DNAJC6: variants seen among roughly 807,000 people sequenced by gnomAD.
DNAJC6 encodes the protein auxilin.
A neutral mutation model predicts 110.0 loss-of-function variants in DNAJC6; 34 were observed. That is an observed-to-expected ratio of 0.31 (90% CI 0.24 to 0.41). DNAJC6 has a LOEUF of 0.41. DNAJC6 is among the 10% of genes least tolerant of loss of function. The pLI is 1.00. For missense variants in DNAJC6, 1,031 were observed against 1,207.8 expected (o/e 0.85, Z 2.17); for synonymous variants, 406 against 437.2 (o/e 0.93, Z 0.89).
At chr1:65,382,733 AG>A (rs1645833937) in intron 5 of DNAJC6, among the ~76,000 whole-genome samples, 1 of 152,260 alleles carries the variant, frequency 6.6e-6, no homozygotes, top group African/African-American at 2.4e-5. Context: ...ATAAAAGCAT[AG>A]TGTCCAGAAT....
chr1:65,304,506 G>A (rs1198464203), intron 1 of DNAJC6, among the ~76,000 whole-genome samples: 1 of 152,188 alleles, frequency 6.6e-6, no homozygotes, highest in African/African-American at 2.4e-5. Context: ...TTCCCCTATG[G>A]ACATCATTTG....
Position 65,413,503 on chromosome 1 carries a change from T to A in DNAJC6, c.*478T>A, listed in dbSNP as rs1646146417. The A allele has an allele frequency of 1.3e-5, 2 of 152,392 alleles. No individual in the cohort carries two copies. The highest frequency in any genetic ancestry group is 6.5e-5 in the Admixed American group (1 of 15,280). The allele number at this position is 152,392 out of a possible 1,614,324, so 9.4% of individuals were successfully genotyped here. A position where few individuals can be genotyped will look rare whatever the true frequency, so the allele number is the denominator to read the frequency against. On this transcript the variant is annotated 3_prime_UTR_variant, in exon 19 of 19. Coordinates refer to ENST00000371069, the MANE Select transcript of DNAJC6 (RefSeq NM_001256864.2). ...ACTCCAAGAACAAAACCACCAGGTA[T>A]TTTTTTTTAAGTAAAAATTTACTAA...
intron 1 of DNAJC6, among the ~76,000 whole-genome samples, chr1:65,335,375 A>C (rs534262854): frequency 5.6e-4 from 85 of 151,716 alleles, no homozygotes; most frequent in African/African-American, 2.0e-3. Flanking sequence ...TGACCTCCCA[A>C]AGTGCTGCGA....
At chr1:65,339,925 C>T (rs1286079369) in intron 1 of DNAJC6, among the ~76,000 whole-genome samples, 1 of 152,178 alleles carries the variant, frequency 6.6e-6, no homozygotes, top group African/African-American at 2.4e-5. Flanking sequence ...GACTCCTTGT[C>T]CAGTTTGGTG....
chr1:65,377,762 A>T (rs925963945), intron 4 of DNAJC6, among the ~76,000 whole-genome samples: 6 of 152,170 alleles, frequency 3.9e-5, no homozygotes, highest in African/African-American at 1.4e-4. Context: ...TATTTTGATT[A>T]TTTATTATCT....
Position 65,406,110 on chromosome 1 carries a change from G to C in DNAJC6, c.2468G>C (p.Arg823Pro), listed in dbSNP as rs201984806. The C allele has an allele frequency of 6.2e-7, 1 of 1,614,092 alleles. No homozygotes were observed. The highest frequency in any genetic ancestry group is 8.5e-7 in the Non-Finnish European group (1 of 1,179,980). ...GCCATGCCTGGGGGCCAGAACGAAC[G>C]TGGGAAAGGATCAAGTAATTTGGGT... ...FSAMPGGQNE[R>P]GKGSSNLEGK... The change falls in exon 16 of 19, where the codon CGT becomes CCT. Residue 823 changes from arginine to proline, a missense_variant. By Grantham distance (103) the Arg-to-Pro change is moderately radical (BLOSUM62 -2). Transcript: ENST00000371069.
chr1:65,351,311 A>C (rs574554547), intron 1 of DNAJC6, among the ~76,000 whole-genome samples: 45 of 152,320 alleles, frequency 3.0e-4, no homozygotes, highest in African/African-American at 1.1e-3. Context: ...CTAGTTTATC[A>C]CAGGAGCTCA....
At chr1:65,391,774 A>T (rs4575118) in intron 11 of DNAJC6, among the ~76,000 whole-genome samples, 3 of 151,904 alleles carry the variant, frequency 2.0e-5, no homozygotes, top group Admixed American at 1.3e-4. Context: ...GTAGCCTGTG[A>T]GTTAGGTACT....
At chr1:65,409,645 G>A (rs1325654632) in intron 17 of DNAJC6, among the ~76,000 whole-genome samples, 1 of 152,124 alleles carries the variant, frequency 6.6e-6, no homozygotes, top group East Asian at 1.9e-4. Context: ...TTATGTACCT[G>A]AGACTTACCA....
At chr1:65,320,092 G>T (rs958789220) in intron 1 of DNAJC6, among the ~76,000 whole-genome samples, 8 of 152,178 alleles carry the variant, frequency 5.3e-5, no homozygotes, top group Admixed American at 4.6e-4. Context: ...TTCCAATTTA[G>T]GCAATTGCAT....
chr1:65,353,600 A>G, intron 1 of DNAJC6, among the ~76,000 whole-genome samples: 1 of 152,170 alleles, frequency 6.6e-6, no homozygotes, highest in East Asian at 1.9e-4. Context: ...TTATACGCAG[A>G]GTTCATTTTG....
chr1:65,311,077 C>T (rs1452096735), intron 1 of DNAJC6, among the ~76,000 whole-genome samples: 1 of 152,134 alleles, frequency 6.6e-6, no homozygotes, highest in Non-Finnish European at 1.5e-5. Context: ...TCCACAGATG[C>T]TCAAATGTCC....
intron 1 of DNAJC6, among the ~76,000 whole-genome samples, chr1:65,352,446 G>C (rs1645500375): frequency 6.7e-6 from 1 of 149,636 alleles, no homozygotes; most frequent in Non-Finnish European, 1.5e-5. Context: ...ACTATCCATT[G>C]TGCCACAGAG....
At chr1:65,364,851 G>T in intron 2 of DNAJC6, 66 bp downstream of exon 2, 1 of 1,580,286 alleles carries the variant, frequency 6.3e-7, no homozygotes, top group South Asian at 1.2e-5. Context: ...GTTACCTGCT[G>T]ACTGCTTGTC....
chr1:65,333,155 T>A (rs1229818474), intron 1 of DNAJC6, among the ~76,000 whole-genome samples: 1 of 152,124 alleles, frequency 6.6e-6, no homozygotes, highest in African/African-American at 2.4e-5. Context: ...AATGTTTTTT[T>A]AAAAGCAAAC....
chr1:65,331,587 T>C (rs1278057072), intron 1 of DNAJC6, among the ~76,000 whole-genome samples: 1 of 152,220 alleles, frequency 6.6e-6, no homozygotes, highest in Non-Finnish European at 1.5e-5. Flanking sequence ...CCCACTCAGT[T>C]TGATGCCAGA....
intron 5 of DNAJC6, among the ~76,000 whole-genome samples, chr1:65,382,938 A>G (rs1645837277): frequency 6.6e-6 from 1 of 152,226 alleles, no homozygotes; most frequent in Non-Finnish European, 1.5e-5. Flanking sequence ...TTAAAAGGGA[A>G]ATAGAAGCAT....
At chr1:65,408,994 C>G (rs1259210976) in intron 17 of DNAJC6, among the ~76,000 whole-genome samples, 1 of 151,954 alleles carries the variant, frequency 6.6e-6, no homozygotes, top group Non-Finnish European at 1.5e-5. Flanking sequence ...GATCAAGGTG[C>G]CAGCCATTTT....
In DNAJC6 at chr1:65,415,448, C is replaced by CAA. The variant is rs1646161727; in HGVS notation, c.*2424_*2425dup. On this transcript the variant is annotated 3_prime_UTR_variant, in exon 19 of 19. Transcript: ENST00000371069. ...GATTTATACGTAATCACTCCTGCCC[C>CAA]AACACACACACACACACACACACAC... The CAA allele has an allele frequency of 1.5e-5, 1 of 67,208 alleles. No homozygotes were observed. The highest frequency in any genetic ancestry group is 2.8e-5 in the Non-Finnish European group (1 of 36,162). The allele number at this position is 67,208 out of a possible 1,614,324, so 4.2% of individuals were successfully genotyped here.
Sources: allele counts gnomAD v4.1 joint callset (sites outside exome capture counted in the v4.1 genomes callset), GRCh38; gene constraint gnomAD v4.1.1; transcripts MANE v1.5; gene names NCBI Gene and HGNC (gene_info 2026-07-23, HGNC 2026-07-21).